Variants in PDE10A observed in about 807,000 individuals in gnomAD.
PDE10A encodes the protein cAMP and cAMP-inhibited cGMP 3',5'-cyclic phosphodiesterase 10A.
PDE10A carries 39 observed loss-of-function variants against 97.7 expected under a neutral mutation model. The ratio of observed to expected loss-of-function variants is 0.40; its 90% CI spans 0.31 to 0.52. The LOEUF is 0.52. Among genes scored for constraint, PDE10A ranks in the 20% least tolerant of loss-of-function variants. PDE10A has a pLI of 0.56. For synonymous variants in PDE10A, 371 were observed against 376.8 expected, an observed-to-expected ratio of 0.98 and a Z score of 0.18; for missense variants, 731 against 1,047.8, an observed-to-expected ratio of 0.70 and a Z score of 4.17.
chr6:165,825,250 C>T (rs1036844181), intron 1 of PDE10A, among the ~76,000 whole-genome samples: 2 of 151,962 alleles, frequency 1.3e-5, no homozygotes, highest in African/African-American at 4.8e-5. Flanking sequence ...CTGCCTTGCT[C>T]AAATTTCCTC....
chr6:165,495,014 A>G (rs2128290770), intron 2 of PDE10A, among the ~76,000 whole-genome samples: 1 of 152,284 alleles, frequency 6.6e-6, no homozygotes, highest in African/African-American at 2.4e-5. Context: ...TTTAATATAT[A>G]TCCGTATCTT....
At chr6:165,734,984 AGATAGATAGTAG>A (rs1263316238) in intron 1 of PDE10A, among the ~76,000 whole-genome samples, 129 of 150,076 alleles carry the variant, frequency 8.6e-4, no homozygotes, top group African/African-American at 2.8e-3. Flanking sequence ...ATAGATAGAT[AGATAGATAGTAG>A]GTAGGTAGGT....
chr6:165,486,325 G>A (rs540091505), intron 2 of PDE10A, among the ~76,000 whole-genome samples: 2 of 152,322 alleles, frequency 1.3e-5, no homozygotes, highest in African/African-American at 2.4e-5. Context: ...GTCATTTTGT[G>A]TTGGTATACA....
chr6:165,466,949 C>A (rs564248362), intron 3 of PDE10A, among the ~76,000 whole-genome samples: 1 of 152,210 alleles, frequency 6.6e-6, no homozygotes, highest in African/African-American at 2.4e-5. Flanking sequence ...AGAAAAAGTT[C>A]TTGAAGGAAA....
At chr6:165,512,829 A>T (rs1047290360) in intron 2 of PDE10A, among the ~76,000 whole-genome samples, 2 of 152,012 alleles carry the variant, frequency 1.3e-5, no homozygotes, top group African/African-American at 4.8e-5. Flanking sequence ...ATTTCACCAC[A>T]TGCTCACCAA....
At chr6:165,845,964 G>A (rs1392730729) in intron 1 of PDE10A, among the ~76,000 whole-genome samples, 2 of 152,140 alleles carry the variant, frequency 1.3e-5, no homozygotes, top group Non-Finnish European at 1.5e-5. Context: ...ATAATGCAGC[G>A]ATTTTAAGAG....
At chr6:165,545,510 T>C (rs190485730) in intron 1 of PDE10A, among the ~76,000 whole-genome samples, 119 of 152,158 alleles carry the variant, frequency 7.8e-4, no homozygotes, top group African/African-American at 2.7e-3. Flanking sequence ...ACAAGTCATA[T>C]TTGCCAAATT....
intron 1 of PDE10A, among the ~76,000 whole-genome samples, chr6:165,749,330 TAC>T (rs1792929133): frequency 2.4e-4 from 2 of 8,280 alleles, no homozygotes; most frequent in South Asian, 2.9e-3. Flanking sequence ...CCATCACCAA[TAC>T]CACCATCACC....
intron 1 of PDE10A, among the ~76,000 whole-genome samples, chr6:165,958,694 G>GAGAAAGAA (rs5881669): frequency 0.011 from 909 of 81,628 alleles, 10 homozygotes; most frequent in Middle Eastern, 0.019. Context: ...AAGAAAGAAA[G>GAGAAAGAA]AGAAAGAAAG....
upstream of PDE10A, among the ~76,000 whole-genome samples, chr6:165,665,708 T>G (rs575186705): frequency 5.3e-5 from 8 of 151,072 alleles, no homozygotes; most frequent in African/African-American, 1.9e-4. Context: ...AAAAAAAAAC[T>G]AAAAGAATAT....
chr6:165,722,833 C>T (rs549598397), intron 1 of PDE10A, among the ~76,000 whole-genome samples: 1 of 151,812 alleles, frequency 6.6e-6, no homozygotes, highest in East Asian at 1.9e-4. Context: ...AACATGAGAT[C>T]CTACTGATCT....
chr6:165,690,408 A>T (rs558508485), intron 1 of PDE10A, among the ~76,000 whole-genome samples: 1 of 152,098 alleles, frequency 6.6e-6, no homozygotes, highest in South Asian at 2.1e-4. Flanking sequence ...GATGGATTCT[A>T]TTACTCTCCC....
At chr6:165,836,718 G>C (rs866985990) in intron 1 of PDE10A, among the ~76,000 whole-genome samples, 2 of 152,066 alleles carry the variant, frequency 1.3e-5, no homozygotes, top group Non-Finnish European at 2.9e-5. Flanking sequence ...AGCTGAAAGT[G>C]GGGGGTCAGA....
In PDE10A at chr6:165,543,518, A is replaced by T; in HGVS notation, c.916T>A (p.Leu306Ile). 6.2e-7 allele frequency: 1 copy of T among 1,611,438 alleles called. No homozygotes were observed. Among genetic ancestry groups the T allele is most frequent in the East Asian group, 2.2e-5 (1 of 44,824 alleles). ...ACACTTTCAGATACAAATTCATCTA[A>T]TACCTGGGGGTGAAGAGAAAGATAT... ...KAYLSLHPQV[L>I]DEFVSESVSA... Residue 306 changes from leucine to isoleucine, a missense_variant, in exon 2 of 22, where the codon TTA becomes ATA. Around this residue, in one of 8 missense-constraint regions of PDE10A, gnomAD observed 181 missense variants for 159.1 expected, o/e 1.14. Coordinates refer to ENST00000539869, the MANE Select transcript of PDE10A (RefSeq NM_001385079.1).
intron 1 of PDE10A, among the ~76,000 whole-genome samples, chr6:165,597,556 T>C (rs1165826546): frequency 1.3e-5 from 2 of 152,206 alleles, no homozygotes; most frequent in East Asian, 1.9e-4. Context: ...ATGATATTAA[T>C]GCGACCAATA....
At chr6:165,646,815 G>A (rs1789421715) in intron 1 of PDE10A, among the ~76,000 whole-genome samples, 1 of 152,204 alleles carries the variant, frequency 6.6e-6, no homozygotes, top group African/African-American at 2.4e-5. Context: ...GACCTACTGA[G>A]AGACAGAAGC....
chr6:165,811,474 T>A (rs757109044), intron 1 of PDE10A, among the ~76,000 whole-genome samples: 15 of 152,144 alleles, frequency 9.9e-5, no homozygotes, highest in Non-Finnish European at 2.1e-4. Context: ...ATAAACAGCA[T>A]TATTCTAGAA....
chr6:165,772,421 A>G (rs1243473287), intron 1 of PDE10A, among the ~76,000 whole-genome samples: 1 of 152,126 alleles, frequency 6.6e-6, no homozygotes. Flanking sequence ...ATTGTTTCCT[A>G]GTGCCTGTTG....
intron 16 of PDE10A, among the ~76,000 whole-genome samples, chr6:165,389,261 T>G (rs935073831): frequency 1.3e-5 from 2 of 152,162 alleles, no homozygotes; most frequent in Admixed American, 1.3e-4. Context: ...GCTTATATAT[T>G]TACAAGATTA....
Sources: gnomAD v4.1 joint callset for allele counts (sites outside exome capture counted in the v4.1 genomes callset) on GRCh38, gnomAD v4.1.1 for gene constraint, gnomAD v4.1.1 regional missense constraint, MANE v1.5 for transcripts, NCBI Gene and HGNC (gene_info 2026-07-23, HGNC 2026-07-21) for gene names.